EHMT1: variants seen among roughly 807,000 people sequenced by gnomAD.
EHMT1 encodes histone-lysine N-methyltransferase EHMT1.
In EHMT1, 15 loss-of-function variants were observed where a neutral mutation model predicts 147.2. The ratio of observed to expected loss-of-function variants is 0.10; its 90% CI spans 0.07 to 0.16. EHMT1 has a LOEUF of 0.16. EHMT1 is among the 10% of genes least tolerant of loss of function. The pLI is 1.00. For synonymous variants in EHMT1, 795 were observed against 709.6 expected (o/e 1.12, Z -1.91); for missense variants, 1,587 against 1,772.4 (o/e 0.90, Z 1.88).
chr9:137,833,922 C>T (rs1195588440), intron 25 of EHMT1, among the ~76,000 whole-genome samples: 3 of 152,240 alleles, frequency 2.0e-5, no homozygotes. Flanking sequence ...TCCCGGATGC[C>T]AGCTCCATCC....
Position 137,834,768 on chromosome 9 carries a change from C to T in EHMT1, c.3717-5C>T, listed in dbSNP as rs1255408456. 2.5e-6 allele frequency: 4 copies of T among 1,613,334 alleles called. No individual in the cohort carries two copies. The highest frequency in any genetic ancestry group is 1.7e-5 in the Admixed American group (1 of 59,984). Reference sequence around the variant, plus strand: ...CTTGGAGCCTTGGTTCTGTTCCCTCCCCAGGTTTGACTATGGAGAGCGCTT... The same window carrying T: ...CTTGGAGCCTTGGTTCTGTTCCCTCTCCAGGTTTGACTATGGAGAGCGCTT... On this transcript the variant is annotated splice_polypyrimidine_tract_variant and splice_region_variant and intron_variant, in intron 26 of 26. Coordinates refer to ENST00000460843, the MANE Select transcript of EHMT1 (RefSeq NM_024757.5).
intron 1 of EHMT1, among the ~76,000 whole-genome samples, chr9:137,669,322 C>T (rs1203473194): frequency 6.9e-6 from 1 of 143,976 alleles, no homozygotes. Context: ...TGGAAAGACG[C>T]CCCCACAGCA....
chr9:137,627,860 C>T (rs980807175), intron 1 of EHMT1, among the ~76,000 whole-genome samples: 1 of 152,002 alleles, frequency 6.6e-6, no homozygotes, highest in African/African-American at 2.4e-5. Context: ...TAGTTGTGCA[C>T]CACCACGTGT....
intron 1 of EHMT1, among the ~76,000 whole-genome samples, chr9:137,674,024 G>A (rs1940970081): frequency 6.6e-6 from 1 of 152,216 alleles, no homozygotes; most frequent in Non-Finnish European, 1.5e-5. Context: ...ACAAGGTGCT[G>A]ACCAGCTAAA....
At chr9:137,715,572 C>G in intron 2 of EHMT1, 3 of 985,450 alleles carry the variant, frequency 3.0e-6, no homozygotes, top group Non-Finnish European at 3.6e-6. Context: ...TCAGGCTTGA[C>G]TGAGCTCCGT....
intron 2 of EHMT1, among the ~76,000 whole-genome samples, chr9:137,711,902 G>A (rs763420533): frequency 1.1e-4 from 17 of 152,320 alleles, no homozygotes; most frequent in Middle Eastern, 3.4e-3. Context: ...CAGACAGCGC[G>A]CAAGGCCTGG....
At chr9:137,658,092 C>T (rs140003771) in intron 1 of EHMT1, among the ~76,000 whole-genome samples, 53 of 152,250 alleles carry the variant, frequency 3.5e-4, no homozygotes, top group Non-Finnish European at 6.6e-4. Context: ...GCCTGTGTGC[C>T]ACGTTTTACC....
chr9:137,823,777 C>T (rs548369521), intron 25 of EHMT1, among the ~76,000 whole-genome samples: 23 of 152,254 alleles, frequency 1.5e-4, no homozygotes, highest in African/African-American at 4.8e-4. Flanking sequence ...AGGCTGGTCT[C>T]GAACTCCTGA....
intron 25 of EHMT1, 60 bp from the exon 26 acceptor site, chr9:137,834,289 G>A (rs1449503383): frequency 2.5e-6 from 4 of 1,602,700 alleles, no homozygotes; most frequent in Non-Finnish European, 3.4e-6. Context: ...GCCGTACCCG[G>A]CGAGGCCGGC....
intron 10 of EHMT1, among the ~76,000 whole-genome samples, chr9:137,771,401 A>G (rs753326016): frequency 4.6e-5 from 7 of 151,752 alleles, no homozygotes; most frequent in Non-Finnish European, 8.8e-5. Flanking sequence ...GAGTTTCCCT[A>G]TGTTGGCCAG....
intron 19 of EHMT1, 85 bp downstream of exon 19, chr9:137,811,700 A>C: frequency 6.4e-7 from 1 of 1,570,296 alleles, no homozygotes; most frequent in Non-Finnish European, 8.6e-7. Context: ...TTGTGTTCAC[A>C]CTTGGGGCGT....
chr9:137,702,388 G>C (rs549756379), intron 1 of EHMT1, among the ~76,000 whole-genome samples: 2 of 152,290 alleles, frequency 1.3e-5, no homozygotes, highest in South Asian at 4.1e-4. Flanking sequence ...AAATGCTTCT[G>C]TTCCAAAAGG....
At chr9:137,728,674 C>T in intron 4 of EHMT1, 145 bp downstream of exon 4, 3 of 1,052,560 alleles carry the variant, frequency 2.9e-6, no homozygotes, top group East Asian at 2.5e-5. Flanking sequence ...CCTGTGCTCG[C>T]CTGTATGCCT....
intron 1 of EHMT1, among the ~76,000 whole-genome samples, chr9:137,654,918 A>G (rs1938272007): frequency 6.6e-6 from 1 of 152,180 alleles, no homozygotes; most frequent in African/African-American, 2.4e-5. Context: ...GCCAGCGTGG[A>G]CAGCAGAGGT....
chr9:137,733,034 C>T (rs3125784), intron 4 of EHMT1, among the ~76,000 whole-genome samples: 6,419 of 152,170 alleles, frequency 0.042, 160 homozygotes, highest in African/African-American at 0.07. Flanking sequence ...TAGCAGAGCC[C>T]GTGTGTGGTA....
chr9:137,789,866 A>C (rs1952380802), intron 15 of EHMT1, among the ~76,000 whole-genome samples: 1 of 152,232 alleles, frequency 6.6e-6, no homozygotes, highest in South Asian at 2.1e-4. Flanking sequence ...CGTAGCTGGG[A>C]TTACAGGCGC....
At position 137,834,444 on chromosome 9, in the gene EHMT1, G is replaced by C; in HGVS notation, c.3636G>C (p.Val1212=). The C allele has an allele frequency of 6.2e-7, 1 of 1,613,220 alleles. No homozygotes were observed. Among genetic ancestry groups the C allele is most frequent in the Non-Finnish European group, 8.5e-7 (1 of 1,179,812 alleles). Residue 1212 remains valine (V), a synonymous_variant, in exon 26 of 27, where the codon GTG becomes GTC. Transcript: ENST00000460843. The stretch of plus-strand genomic sequence containing the variant: ...AGCCCAACCTGGTGCCCGTGCGCGT[G>C]TTCATGGCCCACCAGGACCTGCGGT... The part of the protein sequence containing the change: ...HCEPNLVPVR[V]FMAHQDLRFP...
chr9:137,664,329 T>C (rs946795184), intron 1 of EHMT1, among the ~76,000 whole-genome samples: 10 of 151,806 alleles, frequency 6.6e-5, no homozygotes, highest in African/African-American at 1.9e-4. Flanking sequence ...TCGTGCTCTG[T>C]CGCTCAGGCT....
rs1389143414 is a variant in EHMT1, at chr9:137,717,261, T to C, written c.642+79T>C. The C allele has an allele frequency of 1.9e-6, 3 of 1,542,064 alleles. No homozygotes were observed. In the East Asian group the frequency reaches 7.0e-5, roughly 36 times the overall value. ...TAACGGCAAATGGACTTTGGTGCAT[T>C]GAGGAGAAGCCAGTAAGTGTCAGTG... On this transcript the variant is annotated intron_variant, in intron 3 of 26. Transcript: ENST00000460843.
Sources: allele counts gnomAD v4.1 joint callset (sites outside exome capture counted in the v4.1 genomes callset), GRCh38; gene constraint gnomAD v4.1.1; transcripts MANE v1.5; gene names NCBI Gene and HGNC (gene_info 2026-07-23, HGNC 2026-07-21).